PREX1: variants seen among roughly 807,000 people sequenced by gnomAD.
The protein encoded by PREX1 is phosphatidylinositol 3,4,5-trisphosphate-dependent Rac exchanger 1 protein.
A neutral mutation model predicts 198.3 loss-of-function variants in PREX1; 41 were observed. The ratio of observed to expected loss-of-function variants is 0.21; its 90% CI spans 0.16 to 0.27. PREX1 has a LOEUF of 0.27. Ranked by LOEUF, PREX1 falls within the 10% of genes least tolerant of loss-of-function variation. The pLI is 1.00. For synonymous variants in PREX1, 843 were observed against 887.2 expected (o/e 0.95, Z 0.89); for missense variants, 1,620 against 2,200.7 (o/e 0.74, Z 5.28).
intron 15 of PREX1, among the ~76,000 whole-genome samples, chr20:48,660,482 G>A (rs79972579): frequency 6.8e-6 from 1 of 147,100 alleles, no homozygotes; most frequent in East Asian, 2.0e-4. Context: ...GACTTGCCCA[G>A]GGGGGAAAAA....
the PREX1 span, among the ~76,000 whole-genome samples, chr20:48,885,191 T>C: frequency 6.6e-6 from 1 of 152,242 alleles, no homozygotes; most frequent in East Asian, 1.9e-4. Flanking sequence ...ATCATCACTA[T>C]AGGTCATTTG....
intron 7 of PREX1, 85 bp downstream of exon 7, chr20:48,700,668 G>A (rs1049406413): frequency 1.2e-5 from 18 of 1,531,018 alleles, no homozygotes; most frequent in Admixed American, 1.7e-5. Flanking sequence ...AGGAAAGGGA[G>A]GCCCAGAGAG....
intron 1 of PREX1, among the ~76,000 whole-genome samples, chr20:48,754,223 T>C (rs949821831): frequency 2.6e-5 from 4 of 152,216 alleles, no homozygotes; most frequent in African/African-American, 9.6e-5. Context: ...TCTAGGTGTT[T>C]TAATCCTCAA....
intron 1 of PREX1, among the ~76,000 whole-genome samples, chr20:48,763,433 G>A (rs937335749): frequency 6.6e-6 from 1 of 152,176 alleles, no homozygotes; most frequent in Non-Finnish European, 1.5e-5. Flanking sequence ...TGCAGGGCGG[G>A]GTGGCTGGAC....
At chr20:48,656,899 A>T in intron 18 of PREX1, 141 bp downstream of exon 18, 1 of 1,198,106 alleles carries the variant, frequency 8.3e-7, no homozygotes, top group Non-Finnish European at 1.1e-6. Flanking sequence ...TGCCGAATTA[A>T]TGAAGGTCCA....
At chr20:48,807,315 T>C (rs79780628) in intron 1 of PREX1, among the ~76,000 whole-genome samples, 7 of 152,180 alleles carry the variant, frequency 4.6e-5, no homozygotes, top group African/African-American at 2.4e-5. Context: ...TGTTTTTTTT[T>C]CTCTACAAAA....
At chr20:48,880,919 A>G in the PREX1 span, among the ~76,000 whole-genome samples, 1 of 147,638 alleles carries the variant, frequency 6.8e-6, no homozygotes, top group Admixed American at 6.8e-5. Context: ...TAATGATAGC[A>G]GAAGGGGAAT....
intron 1 of PREX1, among the ~76,000 whole-genome samples, chr20:48,757,037 C>T (rs2090158692): frequency 6.6e-6 from 1 of 152,140 alleles, no homozygotes; most frequent in African/African-American, 2.4e-5. Context: ...TCAATTACCT[C>T]CCACCAGGTC....
rs538166932 is a variant in PREX1 at position 48,793,472 on chromosome 20, A to T, written c.219+34170T>A. Among the ~76,000 whole-genome samples, 4 of 152,384 alleles carry T rather than the reference A, an allele frequency of 2.6e-5. No individual in the cohort carries two copies. The East Asian group carries it at 7.7e-4, about 29-fold the overall frequency. ...AAAGAGAAACACCTATGAGATAGGC[A>T]TTCTTGTTATTCCCATTTTACAGAT... On this transcript the variant is annotated intron_variant, in intron 1 of 39. Transcript: ENST00000371941.
intron 15 of PREX1, among the ~76,000 whole-genome samples, chr20:48,664,872 C>T (rs1332603286): frequency 2.8e-5 from 4 of 140,928 alleles, no homozygotes; most frequent in Admixed American, 7.2e-5. Flanking sequence ...ATTCTAATCC[C>T]GGCTCCAGAC....
the PREX1 span, among the ~76,000 whole-genome samples, chr20:48,876,272 C>T: frequency 6.6e-6 from 1 of 152,170 alleles, no homozygotes; most frequent in African/African-American, 2.4e-5. Context: ...TTTTTCTCAT[C>T]CACCCAGCCT....
chr20:48,823,620 G>C (rs573415392), intron 1 of PREX1, among the ~76,000 whole-genome samples: 1 of 152,210 alleles, frequency 6.6e-6, no homozygotes, highest in South Asian at 2.1e-4. Context: ...TCGGCAGCCT[G>C]CCATTTCTAT....
chr20:48,832,020 T>C (rs959541036), upstream of PREX1, among the ~76,000 whole-genome samples: 3 of 151,618 alleles, frequency 2.0e-5, no homozygotes. Context: ...GAATATCTAG[T>C]GGGGAGCCTA....
intron 18 of PREX1, among the ~76,000 whole-genome samples, chr20:48,655,736 G>A (rs998915042): frequency 6.6e-6 from 1 of 152,144 alleles, no homozygotes; most frequent in Admixed American, 6.5e-5. Flanking sequence ...GCAGGTGGGA[G>A]GGTGAGAAGT....
the PREX1 span, among the ~76,000 whole-genome samples, chr20:48,873,554 CAAAAA>C: frequency 2.9e-5 from 2 of 70,110 alleles, no homozygotes; most frequent in Admixed American, 1.7e-4. Flanking sequence ...AGTAAAAATA[CAAAAA>C]AAAAAAAAAA....
chr20:48,729,071 C>G (rs2090022001), intron 4 of PREX1, among the ~76,000 whole-genome samples: 1 of 150,554 alleles, frequency 6.6e-6, no homozygotes. Context: ...CCCACCCTGA[C>G]TCGGCTTTTT....
chr20:48,808,335 C>T (rs1049297956), intron 1 of PREX1, among the ~76,000 whole-genome samples: 3 of 152,142 alleles, frequency 2.0e-5, no homozygotes, highest in Admixed American at 6.5e-5. Context: ...ATCCCCACAG[C>T]CCCATCAGCG....
At chr20:48,879,246 T>C in the PREX1 span, among the ~76,000 whole-genome samples, 1 of 152,226 alleles carries the variant, frequency 6.6e-6, no homozygotes, top group South Asian at 2.1e-4. Context: ...GAAAAAGTCA[T>C]TATTATTTTG....
At chr20:48,733,190 C>T (rs2090042277) in intron 4 of PREX1, among the ~76,000 whole-genome samples, 1 of 152,014 alleles carries the variant, frequency 6.6e-6, no homozygotes, top group South Asian at 2.1e-4. Flanking sequence ...GGAAGACCAT[C>T]ATGGATGTCT....
Sources: allele counts gnomAD v4.1 joint callset (sites outside exome capture counted in the v4.1 genomes callset), GRCh38; gene constraint gnomAD v4.1.1; transcripts MANE v1.5; gene names NCBI Gene and HGNC (gene_info 2026-07-23, HGNC 2026-07-21).